WNT11: variants seen among roughly 807,000 people sequenced by gnomAD.
The protein encoded by WNT11 is protein Wnt-11.
A neutral mutation model predicts 35.6 loss-of-function variants in WNT11; 20 were observed. The ratio of observed to expected loss-of-function variants is 0.56; its 90% CI spans 0.40 to 0.82. WNT11 has a LOEUF of 0.82. Ranked by LOEUF, WNT11 falls within the 40% of genes least tolerant of loss-of-function variation. The pLI, the probability that WNT11 is intolerant of heterozygous loss-of-function variation, is 0.00. For synonymous variants in WNT11, 200 were observed against 211.9 expected, an observed-to-expected ratio of 0.94 and a Z score of 0.49; for missense variants, 459 against 504.4, an observed-to-expected ratio of 0.91 and a Z score of 0.86.
At chr11:76,195,518 T>A (rs1953268308) in intron 2 of WNT11, among the ~76,000 whole-genome samples, 1 of 152,218 alleles carries the variant, frequency 6.6e-6, no homozygotes, top group Admixed American at 6.5e-5. Context: ...GGATCCTCCC[T>A]AGCACCTTCA....
intron 1 of WNT11, among the ~76,000 whole-genome samples, chr11:76,201,541 G>C (rs1225313869): frequency 6.6e-6 from 1 of 152,164 alleles, no homozygotes; most frequent in South Asian, 2.1e-4. Flanking sequence ...GGGGGTGGGG[G>C]CCTGGGGGAG....
intron 1 of WNT11, among the ~76,000 whole-genome samples, chr11:76,200,238 T>C (rs1953353735): frequency 1.3e-5 from 2 of 152,134 alleles, no homozygotes. Flanking sequence ...AAATGTCTGG[T>C]GTGTCTAGAT....
upstream of WNT11, among the ~76,000 whole-genome samples, chr11:76,208,667 T>C (rs1180012072): frequency 6.6e-6 from 1 of 152,074 alleles, no homozygotes; most frequent in African/African-American, 2.4e-5. Context: ...GGGATCTGTG[T>C]CCAGCCTGGT....
intron 4 of WNT11, among the ~76,000 whole-genome samples, chr11:76,190,497 C>T (rs1294282644): frequency 6.6e-6 from 1 of 152,064 alleles, no homozygotes; most frequent in Non-Finnish European, 1.5e-5. Flanking sequence ...GGGGATGCAG[C>T]CCCCCAGCCC....
At chr11:76,188,803 G>A (rs998258973) in intron 4 of WNT11, among the ~76,000 whole-genome samples, 10 of 152,244 alleles carry the variant, frequency 6.6e-5, no homozygotes, top group Admixed American at 1.3e-4. Context: ...GCAAGACTCC[G>A]CCGTGCAGAG....
At chr11:76,209,015 C>G (rs1953516404), upstream of WNT11, among the ~76,000 whole-genome samples, 1 of 152,176 alleles carries the variant, frequency 6.6e-6, no homozygotes. Flanking sequence ...CCTCCTGCGT[C>G]GCGGGCTGGG....
intron 1 of WNT11, among the ~76,000 whole-genome samples, chr11:76,204,387 G>T (rs1239307021): frequency 6.6e-6 from 1 of 152,196 alleles, no homozygotes; most frequent in Admixed American, 6.5e-5. Flanking sequence ...TGTGGTGCCT[G>T]GTTTCTCCAG....
upstream of WNT11, among the ~76,000 whole-genome samples, chr11:76,208,314 G>C (rs543711054): frequency 1.5e-4 from 23 of 152,200 alleles, no homozygotes; most frequent in Non-Finnish European, 3.1e-4. Flanking sequence ...AGCCTGGATC[G>C]TACAGTTTTT....
chr11:76,194,792 G>A lies in WNT11; in HGVS notation c.372C>T (p.His124=), dbSNP rs1430623888. 17 of 1,552,452 alleles carry A rather than the reference G, an allele frequency of 1.1e-5. No homozygotes were observed. The highest frequency in any genetic ancestry group is 1.3e-5 in the Non-Finnish European group (15 of 1,153,160). Residue 124 remains histidine, a synonymous_variant, in exon 3 of 5, where the codon CAC becomes CAT. Coordinates refer to ENST00000322563, the MANE Select transcript of WNT11 (RefSeq NM_004626.3). The surrounding 1 kb of genome is among the most constrained non-coding windows in gnomAD (Gnocchi z 5.4). ...CGGAGGTGCAGGCCCGGGCGATGGC[G>A]TGGCTGATGGCGGCGGCCGACAGCG... ...VYALSAAAIS[H]AIARACTSGD...
Position 76,204,844 on chromosome 11 carries a change from C to T in WNT11, c.83+1481G>A, listed in dbSNP as rs151232585. ...ATGATGGCAGTGACCCCACAGGACT[C>T]TTATGGGCGGCAAATGACACCCAAG... On this transcript the variant is annotated intron_variant, in intron 1 of 4. Transcript: ENST00000322563. Among the ~76,000 whole-genome samples the T allele has an allele frequency of 6.1e-3, 929 of 152,240 alleles. 3 individuals carry two copies. Among genetic ancestry groups the T allele is most frequent in the Non-Finnish European group, 0.01 (690 of 68,016 alleles).
chr11:76,198,433 C>A (rs1223514897), intron 1 of WNT11, among the ~76,000 whole-genome samples: 1 of 152,176 alleles, frequency 6.6e-6, no homozygotes, highest in Non-Finnish European at 1.5e-5. Flanking sequence ...GGCCTCCCAG[C>A]TCTCGCCAGC....
At chr11:76,204,174 G>T (rs1014403073) in intron 1 of WNT11, among the ~76,000 whole-genome samples, 2 of 152,172 alleles carry the variant, frequency 1.3e-5, no homozygotes, top group Admixed American at 1.3e-4. Flanking sequence ...CTACACACGT[G>T]TATCTATATA....
chr11:76,187,160 G>T lies in WNT11; in HGVS notation c.970C>A (p.Arg324Ser). 1 of 1,611,636 alleles carries T rather than the reference G, an allele frequency of 6.2e-7. No homozygotes were observed. The highest frequency in any genetic ancestry group is 1.1e-5 in the South Asian group (1 of 91,084). The part of the protein sequence containing the change: ...CGRGYNPYTD[R>S]VVERCHCKYH... ...TTACAGTGGCACCGCTCGACCACGC[G>T]GTCTGTGTAGGGGTTGTAGCCACGC... Residue 324 changes from arginine to serine, a missense_variant, in exon 5 of 5, where the codon CGC (arginine) becomes AGC (serine). Transcript: ENST00000322563.
In WNT11 at chr11:76,196,557, C is replaced by G. The variant is rs747101499; in HGVS notation, c.245G>C (p.Arg82Pro). The change falls in exon 2 of 5, where the codon CGG (arginine) becomes CCG (proline). Residue 82 changes from arginine to proline, a missense_variant. Transcript: ENST00000322563. The stretch of plus-strand genomic sequence containing the variant: ...GTTCCAGCGCATGTCGGCAAAGGCC[C>G]GGCGACAGGCCTTCATGACCTCGCG... ...AAREVMKACR[R>P]AFADMRWNCS... 6.2e-7 allele frequency: 1 copy of G among 1,613,606 alleles called. No individual in the cohort carries two copies. Among genetic ancestry groups the G allele is most frequent in the Non-Finnish European group, 8.5e-7 (1 of 1,180,038 alleles).
chr11:76,201,977 C>T (rs1953387433), intron 1 of WNT11, among the ~76,000 whole-genome samples: 1 of 152,188 alleles, frequency 6.6e-6, no homozygotes, highest in South Asian at 2.1e-4. Flanking sequence ...GCACAGGGGT[C>T]AGGTCACATG....
chr11:76,207,201 C>T (rs375829289), upstream of WNT11, among the ~76,000 whole-genome samples: 1 of 151,952 alleles, frequency 6.6e-6, no homozygotes. Flanking sequence ...GTCTCTACTA[C>T]GAATACAAAA....
intron 1 of WNT11, 76 bp from the exon 2 acceptor site, chr11:76,196,794 C>T: frequency 6.9e-7 from 1 of 1,453,070 alleles, no homozygotes; most frequent in Non-Finnish European, 9.3e-7. Flanking sequence ...TCCACCCGCC[C>T]TTCTGGCCCC....
At chr11:76,201,486 G>T (rs1054227169) in intron 1 of WNT11, among the ~76,000 whole-genome samples, 2 of 152,152 alleles carry the variant, frequency 1.3e-5, no homozygotes, top group Non-Finnish European at 2.9e-5. Context: ...CATCTTGCTC[G>T]CTTCACTCCA....
chr11:76,196,814 C>T, intron 1 of WNT11, 96 bp from the exon 2 acceptor site: 1 of 1,349,090 alleles, frequency 7.4e-7, no homozygotes, highest in Non-Finnish European at 1.0e-6. Context: ...CAGCCTTTCC[C>T]TCAATGGACT....
Sources: allele counts gnomAD v4.1 joint callset (sites outside exome capture counted in the v4.1 genomes callset), GRCh38; gene constraint gnomAD v4.1.1; non-coding constraint Gnocchi (gnomAD v3.1); transcripts MANE v1.5; gene names NCBI Gene and HGNC (gene_info 2026-07-23, HGNC 2026-07-21).